Variants in INTS6 observed in about 807,000 individuals in gnomAD.
The protein encoded by INTS6 is DEAD box protein.
INTS6 carries 16 observed loss-of-function variants against 104.9 expected under a neutral mutation model. That is an observed-to-expected ratio of 0.15 (90% CI 0.10 to 0.23). INTS6 has a LOEUF of 0.23. Ranked by LOEUF, INTS6 falls within the 10% of genes least tolerant of loss-of-function variation. INTS6 has a pLI of 1.00. For missense variants in INTS6, 584 were observed against 1,062.8 expected (o/e 0.55, Z 6.26); for synonymous variants, 324 against 358.7 (o/e 0.90, Z 1.09).
At chr13:51,386,240 T>C (rs1355990465) in intron 7 of INTS6, among the ~76,000 whole-genome samples, 4 of 152,208 alleles carry the variant, frequency 2.6e-5, no homozygotes, top group Non-Finnish European at 1.5e-5. Context: ...AGGGTTCTGA[T>C]ACTGGTTTTG....
chr13:51,393,887 A>G (rs1956289086), intron 5 of INTS6, among the ~76,000 whole-genome samples: 1 of 152,218 alleles, frequency 6.6e-6, no homozygotes, highest in African/African-American at 2.4e-5. Context: ...TCCTAGTGAC[A>G]AAAGTTATAG....
At chr13:51,434,519 T>C (rs1957151262) in intron 3 of INTS6, among the ~76,000 whole-genome samples, 1 of 152,134 alleles carries the variant, frequency 6.6e-6, no homozygotes, top group Non-Finnish European at 1.5e-5. Context: ...TTAAAGAGCT[T>C]AGTCAAGAAT....
intron 15 of INTS6, among the ~76,000 whole-genome samples, chr13:51,369,640 A>T (rs541372210): frequency 6.6e-6 from 1 of 152,344 alleles, no homozygotes; most frequent in South Asian, 2.1e-4. Flanking sequence ...ATCTATGATC[A>T]AAATTATCAC....
intron 4 of INTS6, among the ~76,000 whole-genome samples, chr13:51,418,223 C>A (rs1020959232): frequency 1.3e-5 from 2 of 152,134 alleles, no homozygotes; most frequent in Non-Finnish European, 1.5e-5. Flanking sequence ...ATGGTAAGCC[C>A]TAAATACATA....
At chr13:51,336,371 C>A in the INTS6 span, among the ~76,000 whole-genome samples, 1 of 152,264 alleles carries the variant, frequency 6.6e-6, no homozygotes. Flanking sequence ...TCTGTAATCC[C>A]AGCTACTCGC....
intron 7 of INTS6, chr13:51,384,672 T>C (rs1034357922): frequency 4.4e-6 from 2 of 456,576 alleles, no homozygotes; most frequent in African/African-American, 4.0e-5. Flanking sequence ...CTTGATATCT[T>C]CCCCTCATCC....
At chr13:51,371,030 T>C (rs1007623482) in intron 15 of INTS6, among the ~76,000 whole-genome samples, 1 of 152,200 alleles carries the variant, frequency 6.6e-6, no homozygotes. Flanking sequence ...TCTGACTTCA[T>C]TCTTGGTTCT....
At chr13:51,425,831 A>C (rs1254294069) in intron 4 of INTS6, among the ~76,000 whole-genome samples, 2 of 152,104 alleles carry the variant, frequency 1.3e-5, no homozygotes, top group Non-Finnish European at 2.9e-5. Flanking sequence ...ATCTGGACAC[A>C]GGTATGTTTA....
intron 4 of INTS6, among the ~76,000 whole-genome samples, chr13:51,407,547 A>G (rs1956592950): frequency 1.3e-5 from 2 of 152,160 alleles, no homozygotes; most frequent in Non-Finnish European, 2.9e-5. Context: ...TAAAAGCAAA[A>G]ATCCAGGGAC....
intron 15 of INTS6, among the ~76,000 whole-genome samples, chr13:51,372,325 G>A (rs1185005031): frequency 6.9e-6 from 1 of 144,668 alleles, no homozygotes; most frequent in Non-Finnish European, 1.5e-5. Flanking sequence ...TTTTTTTAAA[G>A]TATTTGGGAC....
intron 16 of INTS6, 55 bp downstream of exon 16, chr13:51,368,883 TG>T: frequency 6.6e-7 from 1 of 1,504,136 alleles, no homozygotes; most frequent in Non-Finnish European, 8.9e-7. Context: ...TTTTCTTTTT[TG>T]CTTTTTGAGC....
downstream of INTS6, chr13:51,361,158 T>C (rs1290521262): frequency 3.2e-6 from 2 of 620,258 alleles, no homozygotes; most frequent in Non-Finnish European, 5.7e-6. Flanking sequence ...TTTCCCTAGC[T>C]ACACAGTAAG....
At chr13:51,373,660 T>G (rs1420745964) in intron 15 of INTS6, among the ~76,000 whole-genome samples, 1 of 152,248 alleles carries the variant, frequency 6.6e-6, no homozygotes, top group Non-Finnish European at 1.5e-5. Flanking sequence ...AGCTTTTGGC[T>G]TAAGCATTAA....
chr13:51,343,725 A>G, the INTS6 span, among the ~76,000 whole-genome samples: 13 of 152,178 alleles, frequency 8.5e-5, no homozygotes, highest in Non-Finnish European at 2.9e-5. Flanking sequence ...CTGAATCCAA[A>G]TGTTACTCAG....
rs892603977 is a variant in INTS6, at chr13:51,369,232, G to T, written c.2183C>A (p.Thr728Lys). 6.2e-7 allele frequency: 1 copy of T among 1,613,612 alleles called. No homozygotes were observed. The highest frequency in any genetic ancestry group is 8.5e-7 in the Non-Finnish European group (1 of 1,179,798). The change falls in exon 16 of 18, where the codon ACA (threonine) becomes AAA (lysine). Residue 728 changes from threonine to lysine, a missense_variant. Coordinates refer to ENST00000311234, the MANE Select transcript of INTS6 (RefSeq NM_012141.3). ...AAATTCCGTATCCATAGCATTTGGT[G>T]TAATGTCTGATGAAAGTTGGTCTGC... is the stretch of plus-strand genomic sequence containing the variant. ...HVADQLSSDITPNAMDTEFSA... is the reference protein window; with the variant it reads ...HVADQLSSDIKPNAMDTEFSA...
At chr13:51,375,734 GGTGTGTGTGTGT>G (rs71684515) in intron 13 of INTS6, among the ~76,000 whole-genome samples, 330 of 147,682 alleles carry the variant, frequency 2.2e-3, no homozygotes, top group African/African-American at 6.9e-3. Flanking sequence ...TTGATAAGTG[GGTGTGTGTGTGT>G]GTGTGTGTGT....
downstream of INTS6, among the ~76,000 whole-genome samples, chr13:51,357,314 A>G (rs1419865281): frequency 1.3e-5 from 2 of 152,212 alleles, no homozygotes; most frequent in East Asian, 1.9e-4. Flanking sequence ...CATTCCTAAA[A>G]TGGGGTAACT....
At chr13:51,341,238 C>T in the INTS6 span, 5 of 1,614,024 alleles carry the variant, frequency 3.1e-6, no homozygotes, top group Non-Finnish European at 3.4e-6. Flanking sequence ...ATGAGACGAA[C>T]TTTGTCATCT....
intron 4 of INTS6, among the ~76,000 whole-genome samples, chr13:51,398,633 A>G (rs960055269): frequency 4.6e-5 from 7 of 152,024 alleles, no homozygotes; most frequent in African/African-American, 1.7e-4. Context: ...TTGGAGAACA[A>G]TTGGATAGTA....
Sources: gnomAD v4.1 joint callset for allele counts (sites outside exome capture counted in the v4.1 genomes callset) on GRCh38, gnomAD v4.1.1 for gene constraint, MANE v1.5 for transcripts, NCBI Gene and HGNC (gene_info 2026-07-23, HGNC 2026-07-21) for gene names.